The following BMP2K variants were observed in gnomAD, a reference collection of about 807,000 sequenced individuals.
BMP2K encodes BMP-2-inducible protein kinase.
BMP2K carries 74 observed loss-of-function variants against 116.0 expected under a neutral mutation model. That is an observed-to-expected ratio of 0.64 (90% CI 0.53 to 0.77). The LOEUF is 0.77. Ranked by LOEUF, BMP2K falls within the 30% of genes least tolerant of loss-of-function variation. The pLI is 0.00. For missense variants in BMP2K, 1,365 were observed against 1,403.6 expected (o/e 0.97, Z 0.44); for synonymous variants, 486 against 502.5 (o/e 0.97, Z 0.44).
intron 1 of BMP2K, among the ~76,000 whole-genome samples, chr4:78,820,353 C>G (rs1729556896): frequency 6.6e-6 from 1 of 152,082 alleles, no homozygotes. Flanking sequence ...TTCTTGTTAT[C>G]TTGAGCCTTC....
At chr4:78,872,063 A>G in intron 12 of BMP2K, 115 bp downstream of exon 12, 7 of 775,748 alleles carry the variant, frequency 9.0e-6, no homozygotes, top group South Asian at 2.0e-5. Flanking sequence ...GTTAATTGAC[A>G]TGTATTTTAT....
intron 15 of BMP2K, among the ~76,000 whole-genome samples, chr4:78,909,180 G>A (rs976781397): frequency 6.7e-6 from 1 of 149,590 alleles, no homozygotes; most frequent in African/African-American, 2.5e-5. Context: ...TGGCTCAGCT[G>A]GCACCTGCCA....
At position 78,872,641 on chromosome 4, in the gene BMP2K, C is replaced by G; in HGVS notation, c.1636C>G (p.Gln546Glu). ...GCCGCAGTATCAGCAGGCTTTCTTTCAACAGCAGATGCTAGCTCAACATCA... is the reference window on the plus strand; with the variant it reads ...GCCGCAGTATCAGCAGGCTTTCTTTGAACAGCAGATGCTAGCTCAACATCA... Reference protein sequence around the residue: ...MMPQYQQAFFQQQMLAQHQPS... With the variant: ...MMPQYQQAFFEQQMLAQHQPS... Residue 546 changes from glutamine (Q) to glutamate (E), a missense_variant, in exon 13 of 16, where the codon CAA (glutamine) becomes GAA (glutamate). Gln to Glu is a conservative substitution (Grantham distance 29). This residue lies in a region of BMP2K where 762 missense variants were observed against 756.7 expected (regional missense o/e 1.01). Transcript: ENST00000502613. The G allele has an allele frequency of 6.2e-7, 1 of 1,613,954 alleles. No individual in the cohort carries two copies. Among genetic ancestry groups the G allele is most frequent in the Non-Finnish European group, 8.5e-7 (1 of 1,179,926 alleles).
At chr4:78,845,391 A>G (rs1479237516) in intron 5 of BMP2K, among the ~76,000 whole-genome samples, 1 of 151,690 alleles carries the variant, frequency 6.6e-6, no homozygotes, top group Non-Finnish European at 1.5e-5. Context: ...TTGTTAAGAA[A>G]AAGTTAAATT....
chr4:78,861,318 A>G (rs1335874768), intron 8 of BMP2K, 71 bp from the exon 9 acceptor site: 2 of 1,241,446 alleles, frequency 1.6e-6, no homozygotes, highest in Non-Finnish European at 2.3e-6. Context: ...TGATATATCC[A>G]TAGCTTACAA....
chr4:78,874,297 A>G (rs1203895376), intron 13 of BMP2K, among the ~76,000 whole-genome samples: 3 of 152,220 alleles, frequency 2.0e-5, no homozygotes, highest in Admixed American at 6.5e-5. Flanking sequence ...TCTTTAATAA[A>G]TTAGTAACAT....
chr4:78,781,261 A>G (rs1218217756), intron 1 of BMP2K, among the ~76,000 whole-genome samples: 1 of 152,192 alleles, frequency 6.6e-6, no homozygotes, highest in Non-Finnish European at 1.5e-5. Context: ...TGATTGCTGT[A>G]TAGAGAGGTA....
rs1330974559 is a variant in BMP2K at position 78,816,269 on chromosome 4, T to C, written c.179-9768T>C. 3.9e-5 allele frequency among the ~76,000 whole-genome samples: 6 copies of C among 152,146 alleles called. No individual in the cohort carries two copies. The East Asian group carries it at 7.7e-4, about 20-fold the overall frequency. ...ATACTGCATCACATTAAGAAACATA[T>C]AATGTCAGGTTGTCCCAGTGATAGT... On this transcript the variant is annotated intron_variant, in intron 1 of 15. Coordinates refer to ENST00000502613, the MANE Select transcript of BMP2K (RefSeq NM_198892.2).
At chr4:78,804,201 T>C (rs1728706693) in intron 1 of BMP2K, among the ~76,000 whole-genome samples, 1 of 152,224 alleles carries the variant, frequency 6.6e-6, no homozygotes, top group African/African-American at 2.4e-5. Context: ...GCATTGCATG[T>C]AAATGGAATC....
intron 10 of BMP2K, among the ~76,000 whole-genome samples, chr4:78,868,109 C>A (rs765017768): frequency 6.6e-6 from 1 of 151,964 alleles, no homozygotes; most frequent in Non-Finnish European, 1.5e-5. Flanking sequence ...ACTATACATA[C>A]GTATTAGTTC....
At chr4:78,907,098 T>C (rs1469344459) in intron 15 of BMP2K, among the ~76,000 whole-genome samples, 1 of 152,176 alleles carries the variant, frequency 6.6e-6, no homozygotes, top group Non-Finnish European at 1.5e-5. Context: ...ACCTAAATAT[T>C]CTATTGCTAA....
At chr4:78,877,126 G>A (rs573117442) in intron 13 of BMP2K, among the ~76,000 whole-genome samples, 1 of 152,222 alleles carries the variant, frequency 6.6e-6, no homozygotes, top group African/African-American at 2.4e-5. Flanking sequence ...GGGTCAATGA[G>A]TGAGTCGTGA....
chr4:78,841,175 C>T (rs564207564), intron 3 of BMP2K, among the ~76,000 whole-genome samples: 2 of 152,220 alleles, frequency 1.3e-5, no homozygotes, highest in Non-Finnish European at 2.9e-5. Flanking sequence ...GACAAGATTG[C>T]TTAGACAGTA....
intron 13 of BMP2K, among the ~76,000 whole-genome samples, chr4:78,875,533 GTTATA>G (rs1435927049): frequency 6.6e-6 from 1 of 152,086 alleles, no homozygotes; most frequent in Non-Finnish European, 1.5e-5. Flanking sequence ...TAATTGCCCT[GTTATA>G]TTAGTTATCT....
chr4:78,907,101 A>G (rs1238121971), intron 15 of BMP2K, among the ~76,000 whole-genome samples: 4 of 152,206 alleles, frequency 2.6e-5, no homozygotes, highest in Admixed American at 1.3e-4. Context: ...TAAATATTCT[A>G]TTGCTAAATA....
intron 1 of BMP2K, among the ~76,000 whole-genome samples, chr4:78,804,392 AC>A (rs1183694804): frequency 1.3e-5 from 2 of 152,172 alleles, no homozygotes; most frequent in Non-Finnish European, 2.9e-5. Flanking sequence ...GCTATTATGA[AC>A]ATTTACGTAA....
chr4:78,780,268 G>T (rs1158058195), intron 1 of BMP2K, among the ~76,000 whole-genome samples: 1 of 152,174 alleles, frequency 6.6e-6, no homozygotes, highest in East Asian at 1.9e-4. Context: ...TTGAGATAAT[G>T]TAATCACGAG....
intron 14 of BMP2K, chr4:78,879,192 GT>G (rs1732780330): frequency 9.3e-7 from 1 of 1,071,512 alleles, no homozygotes; most frequent in African/African-American, 1.7e-5. Context: ...GAAAATTGAT[GT>G]TTCAATAAAA....
intron 1 of BMP2K, among the ~76,000 whole-genome samples, chr4:78,824,006 T>C (rs1729758277): frequency 6.6e-6 from 1 of 152,230 alleles, no homozygotes; most frequent in Admixed American, 6.5e-5. Context: ...TGTTTACATA[T>C]GAAATTAGTG....
Sources: gnomAD v4.1 joint callset for allele counts (sites outside exome capture counted in the v4.1 genomes callset) on GRCh38, gnomAD v4.1.1 for gene constraint, gnomAD v4.1.1 regional missense constraint, MANE v1.5 for transcripts, NCBI Gene and HGNC (gene_info 2026-07-23, HGNC 2026-07-21) for gene names.